Variants in PTPRR observed in about 807,000 individuals in gnomAD.
PTPRR encodes the protein protein tyrosine phosphatase receptor type R, also known as receptor-type tyrosine-protein phosphatase R.
A neutral mutation model predicts 77.2 loss-of-function variants in PTPRR; 38 were observed. The observed-to-expected ratio is 0.49, with a 90% confidence interval of 0.38 to 0.65. The LOEUF (loss-of-function observed/expected upper bound fraction) is 0.65, where lower values mean the gene tolerates loss of function less well. PTPRR is among the 30% of genes least tolerant of loss of function. The pLI is 0.00. For synonymous variants in PTPRR, 299 were observed against 283.1 expected, an observed-to-expected ratio of 1.06 and a Z score of -0.57; for missense variants, 744 against 799.2, an observed-to-expected ratio of 0.93 and a Z score of 0.83.
At chr12:70,900,143 A>G (rs988904996) in intron 1 of PTPRR, among the ~76,000 whole-genome samples, 3 of 151,546 alleles carry the variant, frequency 2.0e-5, no homozygotes, top group Non-Finnish European at 3.0e-5. Flanking sequence ...TTGTAGATGT[A>G]GATATGCTGA....
At chr12:70,836,717 C>T (rs189875188) in intron 2 of PTPRR, among the ~76,000 whole-genome samples, 1 of 151,986 alleles carries the variant, frequency 6.6e-6, no homozygotes, top group East Asian at 2.0e-4. Context: ...CTCCCACTCC[C>T]ACTCTTTGCT....
intron 2 of PTPRR, among the ~76,000 whole-genome samples, chr12:70,850,970 A>C (rs1325783766): frequency 6.6e-6 from 1 of 151,972 alleles, no homozygotes; most frequent in Admixed American, 6.6e-5. Context: ...CTTTTACTTC[A>C]GTCTCATATA....
intron 2 of PTPRR, among the ~76,000 whole-genome samples, chr12:70,878,738 A>G (rs1045565175): frequency 3.9e-5 from 6 of 152,224 alleles, no homozygotes; most frequent in Admixed American, 2.6e-4. Context: ...TGACCCAGCC[A>G]TCCCATTACT....
intron 2 of PTPRR, among the ~76,000 whole-genome samples, chr12:70,810,832 A>G (rs575940439): frequency 3.2e-4 from 49 of 152,296 alleles, no homozygotes; most frequent in African/African-American, 1.2e-3. Flanking sequence ...AAACTCTCTG[A>G]GCCAATTACC....
chr12:70,810,069 G>T (rs1891782588), intron 2 of PTPRR, among the ~76,000 whole-genome samples: 1 of 152,146 alleles, frequency 6.6e-6, no homozygotes, highest in South Asian at 2.1e-4. Context: ...TAAATACAGT[G>T]GGACTTTTCT....
intron 2 of PTPRR, among the ~76,000 whole-genome samples, chr12:70,884,607 C>T (rs1191597534): frequency 6.6e-6 from 1 of 151,984 alleles, no homozygotes; most frequent in East Asian, 1.9e-4. Context: ...GTGGCTCACG[C>T]CTGTAATCCC....
chr12:70,781,835 G>C (rs1891209539), intron 2 of PTPRR, among the ~76,000 whole-genome samples: 1 of 152,092 alleles, frequency 6.6e-6, no homozygotes, highest in Non-Finnish European at 1.5e-5. Context: ...TAGTGTCTTA[G>C]ATGACTTACT....
At chr12:70,735,583 A>G (rs1048442155) in intron 6 of PTPRR, among the ~76,000 whole-genome samples, 2 of 152,232 alleles carry the variant, frequency 1.3e-5, no homozygotes, top group African/African-American at 4.8e-5. Flanking sequence ...GTGGGGACAT[A>G]GCCAAACCAT....
intron 3 of PTPRR, 36 bp downstream of exon 3, chr12:70,764,629 C>T (rs757913944): frequency 6.5e-7 from 1 of 1,540,952 alleles, no homozygotes; most frequent in Non-Finnish European, 9.0e-7. Context: ...ACACACACGG[C>T]TTGAATTTTG....
intron 1 of PTPRR, among the ~76,000 whole-genome samples, chr12:70,898,645 G>A (rs374379682): frequency 6.7e-6 from 1 of 150,182 alleles, no homozygotes; most frequent in East Asian, 1.9e-4. Flanking sequence ...ACCATTAAAT[G>A]GTCTCAAATC....
At chr12:70,652,138 T>C (rs1421976659) in intron 13 of PTPRR, among the ~76,000 whole-genome samples, 1 of 152,192 alleles carries the variant, frequency 6.6e-6, no homozygotes, top group Non-Finnish European at 1.5e-5. Flanking sequence ...AAGAAAGATA[T>C]GCTGCAAGTG....
At chr12:70,783,870 G>C (rs868702066) in intron 2 of PTPRR, among the ~76,000 whole-genome samples, 7 of 87,524 alleles carry the variant, frequency 8.0e-5, no homozygotes, top group African/African-American at 4.0e-4. Flanking sequence ...GGACGGGGGG[G>C]GGGGGCGGGG....
intron 6 of PTPRR, among the ~76,000 whole-genome samples, chr12:70,745,146 C>G (rs921717236): frequency 6.6e-6 from 1 of 152,028 alleles, no homozygotes; most frequent in African/African-American, 2.4e-5. Context: ...CTCACTGCAA[C>G]GTCTGCCTCC....
At chr12:70,841,723 C>T (rs1001646947) in intron 2 of PTPRR, among the ~76,000 whole-genome samples, 2 of 44,686 alleles carry the variant, frequency 4.5e-5, no homozygotes, top group Non-Finnish European at 1.2e-4. Context: ...AAAGTAAAGA[C>T]ATCATTTTCC....
intron 2 of PTPRR, among the ~76,000 whole-genome samples, chr12:70,841,515 G>A (rs1055915424): frequency 6.6e-6 from 1 of 151,886 alleles, no homozygotes; most frequent in African/African-American, 2.4e-5. Context: ...CTCCCTCTGA[G>A]TTCCAGAGTC....
chr12:70,731,935 T>G (rs1565671465), intron 6 of PTPRR, among the ~76,000 whole-genome samples: 1 of 152,230 alleles, frequency 6.6e-6, no homozygotes, highest in East Asian at 1.9e-4. Context: ...GATGGTTTAT[T>G]CCTAGATTCT....
intron 2 of PTPRR, among the ~76,000 whole-genome samples, chr12:70,836,793 C>A (rs1892311825): frequency 6.6e-6 from 1 of 151,990 alleles, no homozygotes; most frequent in East Asian, 1.9e-4. Context: ...CTTTTCTTAA[C>A]CTCTCAGACT....
intron 8 of PTPRR, 92 bp downstream of exon 8, chr12:70,698,173 A>G (rs1271175092): frequency 9.2e-7 from 1 of 1,084,654 alleles, no homozygotes. Flanking sequence ...TGCTGCATCC[A>G]TCAACCCATC....
chr12:70,736,635 T>C (rs935425731), intron 6 of PTPRR, among the ~76,000 whole-genome samples: 2 of 152,208 alleles, frequency 1.3e-5, no homozygotes, highest in East Asian at 1.9e-4. Flanking sequence ...TGAAATGAGA[T>C]AATGCATGTG....
Sources: allele counts gnomAD v4.1 joint callset (sites outside exome capture counted in the v4.1 genomes callset), GRCh38; gene constraint gnomAD v4.1.1; transcripts MANE v1.5; gene names NCBI Gene and HGNC (gene_info 2026-07-23, HGNC 2026-07-21).